LYVE1: variants seen among roughly 807,000 people sequenced by gnomAD.
LYVE1 encodes lymphatic vessel endothelial hyaluronic acid receptor 1.
LYVE1 carries 29 observed loss-of-function variants against 31.5 expected under a neutral mutation model. The ratio of observed to expected loss-of-function variants is 0.92; its 90% CI spans 0.69 to 1.26. LYVE1 has a LOEUF of 1.26. LYVE1 is among the 50% of genes most tolerant of loss of function. The probability of loss-of-function intolerance (pLI) is 0.00; values close to 1 mark genes in which losing one functional copy is unlikely to be tolerated. For missense variants in LYVE1, 376 were observed against 380.2 expected (o/e 0.99, Z 0.09); for synonymous variants, 134 against 139.4 (o/e 0.96, Z 0.27).
Position 10,558,821 on chromosome 11 carries a change from T to G in LYVE1, c.*290A>C, listed in dbSNP as rs1564876610. The stretch of plus-strand genomic sequence containing the variant: ...TGAGATGTTTTAGGTCCTTGCACTT[T>G]GCAAAACTCCTTTCTCCCAGTGGGA... On this transcript the variant is annotated 3_prime_UTR_variant, in exon 6 of 6. Transcript: ENST00000256178. The G allele has an allele frequency of 3.0e-6, 1 of 338,772 alleles. No homozygotes were observed. Among genetic ancestry groups the G allele is most frequent in the Non-Finnish European group, 5.3e-6 (1 of 187,950 alleles). The allele number at this position is 338,772 out of a possible 1,614,324, so 21.0% of individuals were successfully genotyped here.
Position 10,559,128 on chromosome 11 carries a change from G to A in LYVE1, c.952C>T (p.Leu318=), listed in dbSNP as rs1487573896. 6.2e-7 allele frequency: 1 copy of A among 1,613,732 alleles called. No individual in the cohort carries two copies. The highest frequency in any genetic ancestry group is 1.1e-5 in the South Asian group (1 of 90,964). The change falls in exon 6 of 6, where the codon CTG becomes TTG. Residue 318 remains leucine (L), a synonymous_variant. Transcript: ENST00000256178. Reference sequence around the variant, plus strand: ...TGTCTCATCTAAACTTCAGCTTCCAGGCATCGCACGGTAGTTTTGCTTGGA... The same window carrying A: ...TGTCTCATCTAAACTTCAGCTTCCAAGCATCGCACGGTAGTTTTGCTTGGA... The part of the protein sequence containing the change: ...KSPSKTTVRC[L]EAEV
rs1251126982 is a variant in LYVE1, at chr11:10,568,431, T to G, written c.85+17A>C. On this transcript the variant is annotated intron_variant, in intron 1 of 5. Coordinates refer to ENST00000256178, the MANE Select transcript of LYVE1 (RefSeq NM_006691.4). ...CTGAAGCCTTGCTTCAGTTTGGAAA[T>G]CTGGTGAGAAACCTACCTTCTGCAC... The G allele has an allele frequency of 6.2e-7, 1 of 1,612,772 alleles. No homozygotes were observed. Among genetic ancestry groups the G allele is most frequent in the Non-Finnish European group, 8.5e-7 (1 of 1,179,274 alleles).
rs1290897920 is a variant in LYVE1, at chr11:10,564,283, C to G, written c.177G>C (p.Glu59Asp). The G allele has an allele frequency of 3.7e-6, 6 of 1,614,228 alleles. No individual in the cohort carries two copies. Among genetic ancestry groups the G allele is most frequent in the Non-Finnish European group, 5.1e-6 (6 of 1,180,040 alleles). Residue 59 changes from glutamate to aspartate, a missense_variant, in exon 2 of 6, where the codon GAG (glutamate) becomes GAC (aspartate). By Grantham distance (45) the Glu-to-Asp change is conservative (BLOSUM62 2). Coordinates refer to ENST00000256178, the MANE Select transcript of LYVE1 (RefSeq NM_006691.4). ...AACTTAGTCCCAGCAGCCTACAGGC[C>G]TCCTTAGCTTCTGTGAAATTCAGCT... The part of the protein sequence containing the change: ...NQQLNFTEAK[E>D]ACRLLGLSLA...
At chr11:10,567,051 C>T (rs1409235291) in intron 1 of LYVE1, among the ~76,000 whole-genome samples, 2 of 152,166 alleles carry the variant, frequency 1.3e-5, no homozygotes, top group Non-Finnish European at 2.9e-5. Flanking sequence ...CAGATAATAG[C>T]ATATGCTTAG....
chr11:10,558,986 C>G lies in LYVE1; in HGVS notation c.*125G>C, dbSNP rs1289661657. The G allele has an allele frequency of 3.6e-6, 3 of 842,566 alleles. No homozygotes were observed. Among genetic ancestry groups the G allele is most frequent in the Non-Finnish European group, 3.8e-6 (2 of 524,900 alleles). The allele number at this position is 842,566 out of a possible 1,614,324, so 52.2% of individuals were successfully genotyped here. Reference sequence around the variant, plus strand: ...GTCCAATGGCAGTCCTGAGCTGATTCCAGTTAGGAACCAAGGGTGGACTTT... The same window carrying G: ...GTCCAATGGCAGTCCTGAGCTGATTGCAGTTAGGAACCAAGGGTGGACTTT... On this transcript the variant is annotated 3_prime_UTR_variant, in exon 6 of 6. Coordinates refer to ENST00000256178, the MANE Select transcript of LYVE1 (RefSeq NM_006691.4).
At chr11:10,567,104 C>T (rs79491714) in intron 1 of LYVE1, among the ~76,000 whole-genome samples, 1 of 152,184 alleles carries the variant, frequency 6.6e-6, no homozygotes, top group African/African-American at 2.4e-5. Flanking sequence ...TTATTATGTA[C>T]TGCCTGCATG....
Position 10,557,108 on chromosome 11 carries a change from G to C in LYVE1, c.*2003C>G, listed in dbSNP as rs919494477. ...CTCATAGACCTACTGGGGCAGGCAG[G>C]TGATATATATGAGGGACGTGGGCTG... On this transcript the variant is annotated 3_prime_UTR_variant, in exon 6 of 6. Coordinates refer to ENST00000256178, the MANE Select transcript of LYVE1 (RefSeq NM_006691.4). 6.6e-6 allele frequency: 1 copy of C among 152,182 alleles called. No homozygotes were observed. The highest frequency in any genetic ancestry group is 1.5e-5 in the Non-Finnish European group (1 of 68,040). The allele number at this position is 152,182 out of a possible 1,614,324, so 9.4% of individuals were successfully genotyped here.
chr11:10,559,210 ATC>A lies in LYVE1; in HGVS notation c.868_869del (p.Asp290Ter). The A allele has an allele frequency of 6.2e-7, 1 of 1,614,050 alleles. No homozygotes were observed. Among genetic ancestry groups the A allele is most frequent in the Non-Finnish European group, 8.5e-7 (1 of 1,179,968 alleles). Reference sequence around the variant, plus strand: ...TCTTTGATTCCTCATTAGGGTTGCTATCATTGGCCTTCTCCTCCTTTACTACT... The same window carrying A: ...TCTTTGATTCCTCATTAGGGTTGCTAATTGGCCTTCTCCTCCTTTACTACT... ...TKVVKEEKANDSNPNEESKKT... is the reference protein window; with the variant it reads ...TKVVKEEKANXSNPNEESKKT... On this transcript the variant is annotated frameshift_variant, in exon 6 of 6. Coordinates refer to ENST00000256178, the MANE Select transcript of LYVE1 (RefSeq NM_006691.4). LOFTEE classifies it high-confidence loss of function.
chr11:10,567,139 T>C (rs747420820), intron 1 of LYVE1, among the ~76,000 whole-genome samples: 6 of 152,302 alleles, frequency 3.9e-5, no homozygotes, highest in Non-Finnish European at 7.4e-5. Flanking sequence ...ACTTCACCTA[T>C]AAACTGTCTT....
Position 10,559,298 on chromosome 11 carries a change from CT to C in LYVE1, c.783-2del. The C allele has an allele frequency of 6.2e-7, 1 of 1,610,168 alleles. No homozygotes were observed. Among genetic ancestry groups the C allele is most frequent in the Non-Finnish European group, 8.5e-7 (1 of 1,178,488 alleles). ...TGTAAAAGGGAAGGCCTTCACATAC[CT>C]TTAGGCAGAAACATGAAATTAAAGT... On this transcript the variant is annotated splice_acceptor_variant, in intron 5 of 5. Coordinates refer to ENST00000256178, the MANE Select transcript of LYVE1 (RefSeq NM_006691.4). LOFTEE classifies it high-confidence loss of function.
Position 10,560,896 on chromosome 11 carries a change from G to A in LYVE1, c.398-96C>T, listed in dbSNP as rs528016774. 9.6e-5 allele frequency: 94 copies of A among 975,440 alleles called. No individual in the cohort carries two copies. In the African/African-American group the frequency reaches 1.1e-3, roughly 12 times the overall value. 60.4% of individuals were successfully genotyped at this position (975,440 alleles called of 1,614,324 possible). On this transcript the variant is annotated intron_variant, in intron 3 of 5. Transcript: ENST00000256178. ...TTACTACCTCCAAACCCCTTATACC[G>A]CAGCTGGAATGGTCTTTAAAAAGCA... is the stretch of plus-strand genomic sequence containing the variant.
At chr11:10,563,245 G>A (rs749074769) in intron 3 of LYVE1, among the ~76,000 whole-genome samples, 28 of 152,050 alleles carry the variant, frequency 1.8e-4, no homozygotes, top group Admixed American at 3.3e-4. Context: ...CACTGTGCCC[G>A]GCCTGAACTC....
At chr11:10,561,613 G>C (rs1850426040) in intron 3 of LYVE1, among the ~76,000 whole-genome samples, 1 of 152,188 alleles carries the variant, frequency 6.6e-6, no homozygotes, top group Non-Finnish European at 1.5e-5. Context: ...AGTTGACCAT[G>C]GCAGTAAGTG....
intron 1 of LYVE1, 33 bp downstream of exon 1, chr11:10,568,415 T>G (rs561419262): frequency 6.2e-7 from 1 of 1,606,498 alleles, no homozygotes; most frequent in African/African-American, 1.3e-5. Flanking sequence ...ACTGAAGCCT[T>G]GCTTCAGTTT....
In LYVE1 at chr11:10,558,966, A is replaced by T. The variant is rs113413732; in HGVS notation, c.*145T>A. On this transcript the variant is annotated 3_prime_UTR_variant, in exon 6 of 6. Transcript: ENST00000256178. Reference sequence around the variant, plus strand: ...TCTCTTTGGTGCACTCCATAGTCCAATGGCAGTCCTGAGCTGATTCCAGTT... The same window carrying T: ...TCTCTTTGGTGCACTCCATAGTCCATTGGCAGTCCTGAGCTGATTCCAGTT... The T allele has an allele frequency of 4.2e-6, 3 of 713,222 alleles. No individual in the cohort carries two copies. The Admixed American group carries it at 7.3e-5, about 17-fold the overall frequency. 44.2% of individuals were successfully genotyped at this position (713,222 alleles called of 1,614,324 possible). A position where few individuals can be genotyped will look rare whatever the true frequency, so the allele number is the denominator to read the frequency against.
chr11:10,560,590 G>A lies in LYVE1; in HGVS notation c.608C>T (p.Thr203Ile). 6.2e-7 allele frequency: 1 copy of A among 1,614,116 alleles called. No individual in the cohort carries two copies. Among genetic ancestry groups the A allele is most frequent in the East Asian group, 2.2e-5 (1 of 44,882 alleles). ...GGTGCTAGTTTCCATAAAAACTTCT[G>A]TGACACAAATCAATTTTTTTCTCCG... ...IPRRKKLICV[T>I]EVFMETSTMS... Residue 203 changes from threonine (T) to isoleucine (I), a missense_variant, in exon 4 of 6, where the codon ACA becomes ATA. Transcript: ENST00000256178.
chr11:10,560,877 C>T, intron 3 of LYVE1, 77 bp from the exon 4 acceptor site: 1 of 1,130,340 alleles, frequency 8.8e-7, no homozygotes, highest in Non-Finnish European at 1.3e-6. Flanking sequence ...AGTCTTACTA[C>T]CTCCAAACCC....
At chr11:10,562,106 A>G (rs1246871066) in intron 3 of LYVE1, among the ~76,000 whole-genome samples, 1 of 152,254 alleles carries the variant, frequency 6.6e-6, no homozygotes, top group Admixed American at 6.5e-5. Flanking sequence ...CTGTTTAGTC[A>G]GAGGGCTGGG....
chr11:10,563,509 G>A (rs966191939), intron 3 of LYVE1, among the ~76,000 whole-genome samples: 2 of 152,152 alleles, frequency 1.3e-5, no homozygotes, highest in African/African-American at 4.8e-5. Flanking sequence ...ATGCAAATAT[G>A]ACCCCATTTT....
Sources: allele counts gnomAD v4.1 joint callset (sites outside exome capture counted in the v4.1 genomes callset), GRCh38; gene constraint gnomAD v4.1.1; transcripts MANE v1.5; gene names NCBI Gene and HGNC (gene_info 2026-07-23, HGNC 2026-07-21).